The following TP73 variants were observed in gnomAD, a reference collection of about 807,000 sequenced individuals.
TP73 encodes p53-like transcription factor.
In TP73, 25 loss-of-function variants were observed where a neutral mutation model predicts 62.5. That is an observed-to-expected ratio of 0.40 (90% CI 0.29 to 0.56). The LOEUF is 0.56. Ranked by LOEUF, TP73 falls within the 20% of genes least tolerant of loss-of-function variation. TP73 has a pLI of 0.46. For missense variants in TP73, 754 were observed against 913.3 expected (o/e 0.83, Z 2.25); for synonymous variants, 423 against 377.5 (o/e 1.12, Z -1.40).
At chr1:3,720,217 G>T (rs540640903) in intron 4 of TP73, among the ~76,000 whole-genome samples, 7 of 152,276 alleles carry the variant, frequency 4.6e-5, no homozygotes, top group Non-Finnish European at 1.5e-5. Context: ...CCCTCAGCCC[G>T]TTTCCTGCTT....
At chr1:3,718,427 G>T (rs1310190192) in intron 4 of TP73, among the ~76,000 whole-genome samples, 1 of 152,222 alleles carries the variant, frequency 6.6e-6, no homozygotes, top group African/African-American at 2.4e-5. Context: ...AGTGGGGCGG[G>T]CTCAGCAGGG....
chr1:3,683,660 C>G (rs982168817), intron 3 of TP73, among the ~76,000 whole-genome samples: 7 of 152,208 alleles, frequency 4.6e-5, no homozygotes, highest in Admixed American at 2.6e-4. Flanking sequence ...GTGAAGAGTA[C>G]CAGGCTCCAC....
chr1:3,677,351 A>G lies in TP73; in HGVS notation c.-33-4982A>G, dbSNP rs1376579336. On this transcript the variant is annotated intron_variant, in intron 1 of 13. Transcript: ENST00000378295. ...CTCCCACTGCTGTGGGCACTGTAGGACTTGGAACGCTGGTCACCTTTCCAG... is the reference window on the plus strand; with the variant it reads ...CTCCCACTGCTGTGGGCACTGTAGGGCTTGGAACGCTGGTCACCTTTCCAG... Among the ~76,000 whole-genome samples, 6 of 152,122 alleles carry G rather than the reference A, an allele frequency of 3.9e-5. No homozygotes were observed. The East Asian group carries it at 1.2e-3, about 30-fold the overall frequency.
intron 4 of TP73, among the ~76,000 whole-genome samples, chr1:3,719,665 T>G (rs1350039348): frequency 6.6e-6 from 1 of 152,200 alleles, no homozygotes; most frequent in East Asian, 1.9e-4. Context: ...GGCTACCTGC[T>G]TATCCTTCCA....
chr1:3,654,730 C>CT (rs947146993), intron 1 of TP73, among the ~76,000 whole-genome samples: 2 of 152,206 alleles, frequency 1.3e-5, no homozygotes, highest in African/African-American at 4.8e-5. Flanking sequence ...TGGTAGGTAT[C>CT]TCCAGGGCAG....
At chr1:3,732,512 C>G (rs2124551694) in intron 13 of TP73, among the ~76,000 whole-genome samples, 2 of 152,304 alleles carry the variant, frequency 1.3e-5, no homozygotes, top group South Asian at 4.1e-4. Context: ...GTTCCTCCCC[C>G]AGGGCCAGGT....
At chr1:3,704,955 G>C (rs983771839) in intron 3 of TP73, among the ~76,000 whole-genome samples, 3 of 152,214 alleles carry the variant, frequency 2.0e-5, no homozygotes, top group Non-Finnish European at 2.9e-5. Flanking sequence ...TTCTCTGAGG[G>C]GGGCAGTGGC....
chr1:3,708,148 G>C, intron 4 of TP73: 1 of 325,350 alleles, frequency 3.1e-6, no homozygotes, highest in Non-Finnish European at 5.8e-6. Flanking sequence ...GGGCTCTGCT[G>C]CCAAGAGTTG....
intron 4 of TP73, among the ~76,000 whole-genome samples, chr1:3,721,319 C>T (rs936514644): frequency 3.9e-5 from 6 of 152,226 alleles, no homozygotes; most frequent in East Asian, 1.9e-4. Context: ...ATTAGCTCCT[C>T]GAGTCCCAAG....
rs372062105 is a variant in TP73, at chr1:3,653,187, A to C, written c.-34+546A>C. Reference sequence around the variant, plus strand: ...GGGGCCTTGACCCATGGAGTTGGTTACTAAGCGGTTTCGATGGTTTCCCGA... The same window carrying C: ...GGGGCCTTGACCCATGGAGTTGGTTCCTAAGCGGTTTCGATGGTTTCCCGA... On this transcript the variant is annotated intron_variant, in intron 1 of 13. Transcript: ENST00000378295. Among the ~76,000 whole-genome samples the C allele has an allele frequency of 8.5e-5, 13 of 152,344 alleles. No individual in the cohort carries two copies. In the East Asian group the frequency reaches 1.7e-3, roughly 20 times the overall value.
chr1:3,712,431 CTT>C (rs1276326043), intron 4 of TP73: 2 of 152,226 alleles, frequency 1.3e-5, no homozygotes, highest in Non-Finnish European at 2.9e-5. Flanking sequence ...GGAACTCACT[CTT>C]GGGCCCTGGA....
intron 4 of TP73, among the ~76,000 whole-genome samples, chr1:3,713,939 A>AGTC (rs1640374531): frequency 6.6e-6 from 1 of 152,244 alleles, no homozygotes; most frequent in East Asian, 1.9e-4. Flanking sequence ...GTGAGGCAGA[A>AGTC]GTCAGAGCCC....
intron 1 of TP73, among the ~76,000 whole-genome samples, chr1:3,679,490 T>C (rs1217957207): frequency 6.6e-6 from 1 of 152,100 alleles, no homozygotes; most frequent in Non-Finnish European, 1.5e-5. Flanking sequence ...TCCATCTCTC[T>C]CTGTCTCTCT....
intron 3 of TP73, among the ~76,000 whole-genome samples, chr1:3,695,511 G>A (rs1638562902): frequency 6.6e-6 from 1 of 152,226 alleles, no homozygotes; most frequent in Non-Finnish European, 1.5e-5. Flanking sequence ...TGCGTTGCGG[G>A]AACGTGGCCA....
chr1:3,683,082 G>C lies in TP73; in HGVS notation c.88G>C (p.Asp30His). The change falls in exon 3 of 14, where the codon GAC (aspartate) becomes CAC (histidine). Residue 30 changes from aspartate (D) to histidine (H), a missense_variant. Asp to His is a moderately conservative substitution (Grantham distance 81, BLOSUM62 -1). Coordinates refer to ENST00000378295, the MANE Select transcript of TP73 (RefSeq NM_005427.4). Reference protein sequence around the residue: ...SSLEPDSTYFDLPQSSRGNNE... With the variant: ...SSLEPDSTYFHLPQSSRGNNE... ...CAGGGAACCAGACAGCACCTACTTC[G>C]ACCTTCCCCAGTCAAGCCGGGGGAA... The C allele has an allele frequency of 6.2e-7, 1 of 1,610,610 alleles. No individual in the cohort carries two copies. Among genetic ancestry groups the C allele is most frequent in the Non-Finnish European group, 8.5e-7 (1 of 1,177,364 alleles).
intron 1 of TP73, among the ~76,000 whole-genome samples, chr1:3,657,656 A>G (rs1557477587): frequency 6.6e-6 from 1 of 152,198 alleles, no homozygotes; most frequent in Non-Finnish European, 1.5e-5. Context: ...CAGAGGGGCC[A>G]TGGCGCAAAC....
intron 4 of TP73, among the ~76,000 whole-genome samples, chr1:3,721,028 G>A (rs986258374): frequency 1.3e-5 from 2 of 152,246 alleles, no homozygotes; most frequent in African/African-American, 2.4e-5. Context: ...CCTGAGACTG[G>A]GGATCATTCC....
chr1:3,729,919 T>C, intron 10 of TP73, 81 bp from the exon 11 acceptor site: 3 of 1,486,648 alleles, frequency 2.0e-6, no homozygotes, highest in Non-Finnish European at 1.8e-6. Flanking sequence ...ATTCGCAGCA[T>C]GGGGGCATCA....
At chr1:3,702,255 G>C (rs1442397251) in intron 3 of TP73, among the ~76,000 whole-genome samples, 1 of 152,302 alleles carries the variant, frequency 6.6e-6, no homozygotes, top group Admixed American at 6.5e-5. Flanking sequence ...CAGGCCAGGG[G>C]GCAGGCGGGA....
Sources: allele counts gnomAD v4.1 joint callset (sites outside exome capture counted in the v4.1 genomes callset), GRCh38; gene constraint gnomAD v4.1.1; transcripts MANE v1.5; gene names NCBI Gene and HGNC (gene_info 2026-07-23, HGNC 2026-07-21).